Variants in ZCCHC14 observed in about 807,000 individuals in gnomAD.
The protein encoded by ZCCHC14 is zinc finger CCHC domain-containing protein 14.
A neutral mutation model predicts 85.0 loss-of-function variants in ZCCHC14; 16 were observed. The ratio of observed to expected loss-of-function variants is 0.19; its 90% CI spans 0.13 to 0.29. The LOEUF is 0.29. ZCCHC14 is among the 10% of genes least tolerant of loss of function. The pLI is 1.00. For synonymous variants in ZCCHC14, 775 were observed against 630.7 expected, an observed-to-expected ratio of 1.23 and a Z score of -3.43; for missense variants, 1,303 against 1,443.5, an observed-to-expected ratio of 0.90 and a Z score of 1.58.
intron 2 of ZCCHC14, among the ~76,000 whole-genome samples, chr16:87,438,797 C>T (rs944404329): frequency 5.3e-5 from 8 of 152,206 alleles, no homozygotes; most frequent in South Asian, 2.1e-4. Flanking sequence ...GGCACTGCCC[C>T]GGTCTTCCTC....
At position 87,420,588 on chromosome 16, in the gene ZCCHC14, T is replaced by A. The variant is rs1909042873; in HGVS notation, c.950+19A>T. The A allele has an allele frequency of 1.2e-6, 2 of 1,601,696 alleles. No individual in the cohort carries two copies. The highest frequency in any genetic ancestry group is 1.3e-5 in the African/African-American group (1 of 74,798). ...CCTTGCCAGCTGTGGACGCGCCGGG[T>A]GCCTGGTAAGGGCCTCACCTCAGGC... On this transcript the variant is annotated intron_variant, in intron 5 of 12. Transcript: ENST00000671377. This position sits in a 1 kb window ranked among gnomAD's most constrained non-coding sequence, Gnocchi z 5.0.
chr16:87,450,317 A>T (rs765629628), intron 2 of ZCCHC14, among the ~76,000 whole-genome samples: 16 of 152,222 alleles, frequency 1.1e-4, no homozygotes, highest in Non-Finnish European at 1.8e-4. Context: ...TGTTAATGGG[A>T]TAATTTCTAG....
At chr16:87,478,419 G>A (rs1345767383) in intron 1 of ZCCHC14, among the ~76,000 whole-genome samples, 1 of 152,158 alleles carries the variant, frequency 6.6e-6, no homozygotes, top group Admixed American at 6.5e-5. Flanking sequence ...GGTTGGAACC[G>A]ACTGGAAAAT....
At chr16:87,442,994 G>A (rs1295013142) in intron 2 of ZCCHC14, among the ~76,000 whole-genome samples, 4 of 152,198 alleles carry the variant, frequency 2.6e-5, no homozygotes, top group Non-Finnish European at 2.9e-5. Context: ...AAAGTTCTTT[G>A]AACAGAAGGA....
chr16:87,491,672 G>A lies in ZCCHC14; in HGVS notation c.567C>T (p.His189=), dbSNP rs1402575405. 1 of 1,416,400 alleles carries A rather than the reference G, an allele frequency of 7.1e-7. No homozygotes were observed. The highest frequency in any genetic ancestry group is 2.9e-5 in the East Asian group (1 of 34,144). 87.7% of individuals were successfully genotyped at this position (1,416,400 alleles called of 1,614,324 possible). The change falls in exon 1 of 13, where the codon CAC becomes CAT. Residue 189 remains histidine (H), a synonymous_variant. Coordinates refer to ENST00000671377, the MANE Select transcript of ZCCHC14 (RefSeq NM_015144.3). The surrounding 1 kb of genome is among the most constrained non-coding windows in gnomAD (Gnocchi z 5.9). ...GGALPTCPAC[H]KITPRTEAPV... ...AGAGCTCGGGGCGGGCACGCACCTT[G>A]TGGCAGGCTGGGCAAGTGGGCAGCG...
intron 12 of ZCCHC14, among the ~76,000 whole-genome samples, chr16:87,411,127 G>T (rs1446976286): frequency 6.6e-6 from 1 of 152,256 alleles, no homozygotes; most frequent in Non-Finnish European, 1.5e-5. Flanking sequence ...AGGGGCAGAG[G>T]GGACAGCGAG....
intron 2 of ZCCHC14, among the ~76,000 whole-genome samples, chr16:87,435,725 G>T (rs1909890253): frequency 6.6e-6 from 1 of 152,274 alleles, no homozygotes; most frequent in Non-Finnish European, 1.5e-5. Context: ...GCATCTCACG[G>T]ATGCGGGAGT....
In ZCCHC14 at chr16:87,412,246, C is replaced by T. The variant is rs976866164; in HGVS notation, c.2475G>A (p.Met825Ile). Residue 825 changes from methionine (M) to isoleucine (I), a missense_variant, in exon 12 of 13, where the codon ATG becomes ATA. Physicochemically the swap from Met to Ile is conservative, Grantham distance 10. This residue lies in a region of ZCCHC14 where 797 missense variants were observed against 730.8 expected (regional missense o/e 1.09). Coordinates refer to ENST00000671377, the MANE Select transcript of ZCCHC14 (RefSeq NM_015144.3). ...TANTKVAFSA[M>I]SSMPVGPLQG... is the part of the protein sequence containing the mutation. ...GCAGGGGGCCCACTGGCATACTGCT[C>T]ATTGCAGAAAAGGCAACTTTGGTGT... 1 of 1,612,298 alleles carries T rather than the reference C, an allele frequency of 6.2e-7. No homozygotes were observed.
intron 2 of ZCCHC14, among the ~76,000 whole-genome samples, chr16:87,452,754 C>A (rs530267959): frequency 6.6e-6 from 1 of 151,738 alleles, no homozygotes; most frequent in Non-Finnish European, 1.5e-5. Flanking sequence ...AAGCACCTAC[C>A]CTGCTTGTCA....
chr16:87,412,786 G>T lies in ZCCHC14; in HGVS notation c.1935C>A (p.Arg645=). Residue 645 remains arginine (R), a synonymous_variant, in exon 12 of 13, where the codon CGC becomes CGA. Coordinates refer to ENST00000671377, the MANE Select transcript of ZCCHC14 (RefSeq NM_015144.3). ...LSAASHITPI[R]MLNSVHKPER... ...CCGGCTTGTGCACGGAATTCAGCAT[G>T]CGGATGGGTGTGATGTGTGAGGCTG... 6.2e-7 allele frequency: 1 copy of T among 1,613,762 alleles called. No individual in the cohort carries two copies. The highest frequency in any genetic ancestry group is 8.5e-7 in the Non-Finnish European group (1 of 1,179,780).
intron 4 of ZCCHC14, among the ~76,000 whole-genome samples, chr16:87,421,470 G>C (rs1455734309): frequency 2.0e-5 from 3 of 152,170 alleles, no homozygotes; most frequent in African/African-American, 4.8e-5. Context: ...CTGCCGGGGA[G>C]GGCAAGGCAC....
At chr16:87,474,925 C>T (rs938276089) in intron 1 of ZCCHC14, among the ~76,000 whole-genome samples, 1 of 152,220 alleles carries the variant, frequency 6.6e-6, no homozygotes, top group Admixed American at 6.5e-5. Context: ...GGAAGAGTAT[C>T]TGGAGTTTGA....
intron 4 of ZCCHC14, among the ~76,000 whole-genome samples, chr16:87,421,494 C>G (rs1434855567): frequency 6.6e-6 from 1 of 152,174 alleles, no homozygotes; most frequent in Non-Finnish European, 1.5e-5. Context: ...GGAAGTGCCA[C>G]CCCGAAGCCC....
chr16:87,460,076 G>T lies in ZCCHC14; in HGVS notation c.626C>A (p.Ala209Asp), dbSNP rs774788176. The change falls in exon 2 of 13, where the codon GCC becomes GAC. Residue 209 changes from alanine to aspartate, a missense_variant. Physicochemically the swap from Ala to Asp is moderately radical, Grantham distance 126. This residue lies in a region of ZCCHC14 where 389 missense variants were observed against 397.8 expected (regional missense o/e 0.98). Transcript: ENST00000671377. ...VSSVSNSLEN[A>D]LHTSAHSTEE... ...CGTGGAATGTGCTGATGTGTGCAGG[G>T]CATTCTCCAAACTATTACTGACACT... The T allele has an allele frequency of 1.2e-6, 2 of 1,614,144 alleles. No individual in the cohort carries two copies. Among genetic ancestry groups the T allele is most frequent in the South Asian group, 2.2e-5 (2 of 91,082 alleles).
In ZCCHC14 at chr16:87,491,848, C is replaced by G. The variant is rs1221899850; in HGVS notation, c.391G>C (p.Glu131Gln). The G allele has an allele frequency of 2.5e-6, 4 of 1,573,482 alleles. No homozygotes were observed. ...LQLNEGRTGD[E>Q]FLLLFTMASN... is the part of the protein sequence containing the mutation. ...GCCATGGTGAACAGCAGCAGGAACT[C>G]ATCGCCCGTGCGGCCCTCGTTAAGC... The change falls in exon 1 of 13, where the codon GAG (glutamate) becomes CAG (glutamine). Residue 131 changes from glutamate to glutamine, a missense_variant. By Grantham distance (29) the Glu-to-Gln change is conservative. Transcript: ENST00000671377. The surrounding 1 kb of genome is among the most constrained non-coding windows in gnomAD (Gnocchi z 5.9).
At chr16:87,450,070 G>T (rs1910622982) in intron 2 of ZCCHC14, among the ~76,000 whole-genome samples, 1 of 152,066 alleles carries the variant, frequency 6.6e-6, no homozygotes. Context: ...AAAAAGAACA[G>T]CATTGTTTTC....
chr16:87,427,649 C>A (rs1278303647), intron 3 of ZCCHC14, among the ~76,000 whole-genome samples: 1 of 151,428 alleles, frequency 6.6e-6, no homozygotes, highest in Non-Finnish European at 1.5e-5. Flanking sequence ...CATTTTTTTT[C>A]TTTTTTGAGA....
intron 2 of ZCCHC14, among the ~76,000 whole-genome samples, chr16:87,438,564 G>A (rs1245016436): frequency 6.6e-6 from 1 of 152,198 alleles, no homozygotes; most frequent in East Asian, 1.9e-4. Flanking sequence ...TTTTGTGTCT[G>A]CTTCCTCATT....
At chr16:87,443,713 G>C (rs548619567) in intron 2 of ZCCHC14, among the ~76,000 whole-genome samples, 11 of 152,138 alleles carry the variant, frequency 7.2e-5, no homozygotes, top group African/African-American at 2.7e-4. Context: ...CTCTAGCCTG[G>C]GTGACAGAGT....
Sources: gnomAD v4.1 joint callset for allele counts (sites outside exome capture counted in the v4.1 genomes callset) on GRCh38, gnomAD v4.1.1 for gene constraint, gnomAD v4.1.1 regional missense constraint, Gnocchi (gnomAD v3.1) non-coding constraint, MANE v1.5 for transcripts, NCBI Gene and HGNC (gene_info 2026-07-23, HGNC 2026-07-21) for gene names.